The following IQCM variants were observed in gnomAD, a reference collection of about 807,000 sequenced individuals.
IQCM encodes the protein IQ domain-containing protein M.
In IQCM, 45 loss-of-function variants were observed where a neutral mutation model predicts 57.6. The ratio of observed to expected loss-of-function variants is 0.78; its 90% CI spans 0.62 to 1.00. The LOEUF (loss-of-function observed/expected upper bound fraction) is 1.00. Among genes scored for constraint, IQCM ranks in the 50% least tolerant of loss-of-function variants. The pLI is 0.00. For synonymous variants in IQCM, 148 were observed against 158.9 expected, an observed-to-expected ratio of 0.93 and a Z score of 0.51; for missense variants, 468 against 511.6, an observed-to-expected ratio of 0.91 and a Z score of 0.82.
intron 7 of IQCM, among the ~76,000 whole-genome samples, chr4:149,627,097 G>C (rs1428600340): frequency 6.6e-6 from 1 of 152,200 alleles, no homozygotes; most frequent in Non-Finnish European, 1.5e-5. Flanking sequence ...AGCAGTATTT[G>C]ATACAGCCCT....
At chr4:149,733,154 T>C in intron 5 of IQCM, 90 bp downstream of exon 5, 1 of 1,111,914 alleles carries the variant, frequency 9.0e-7, no homozygotes, top group Non-Finnish European at 1.1e-6. Flanking sequence ...AGGGAATTAT[T>C]TGAAAAAGAA....
At chr4:149,767,675 G>T (rs542428583) in intron 2 of IQCM, among the ~76,000 whole-genome samples, 81 of 152,032 alleles carry the variant, frequency 5.3e-4, no homozygotes, top group African/African-American at 9.6e-4. Flanking sequence ...TGATTATGTT[G>T]GTGAGTAAAA....
chr4:149,410,545 T>A (rs1270040235), intron 13 of IQCM, among the ~76,000 whole-genome samples: 4 of 151,508 alleles, frequency 2.6e-5, no homozygotes, highest in Middle Eastern at 3.5e-3. Flanking sequence ...TTGTAATTTA[T>A]AAACCACTGG....
chr4:149,354,864 A>G (rs968323902), intron 13 of IQCM, among the ~76,000 whole-genome samples: 2 of 152,170 alleles, frequency 1.3e-5, no homozygotes, highest in Admixed American at 1.3e-4. Context: ...TAATGAATGT[A>G]CCACACTAAT....
At chr4:149,412,916 G>A in intron 13 of IQCM, among the ~76,000 whole-genome samples, 1 of 152,274 alleles carries the variant, frequency 6.6e-6, no homozygotes, top group African/African-American at 2.4e-5. Flanking sequence ...CAAGGAGGTA[G>A]GAGAGTGGTG....
chr4:149,509,157 A>T (rs1744144159), intron 12 of IQCM, among the ~76,000 whole-genome samples: 1 of 152,150 alleles, frequency 6.6e-6, no homozygotes, highest in South Asian at 2.1e-4. Context: ...CCTTCCCTTC[A>T]TCATCCTCAA....
At chr4:149,574,513 A>T (rs1045873492) in intron 9 of IQCM, among the ~76,000 whole-genome samples, 1 of 151,950 alleles carries the variant, frequency 6.6e-6, no homozygotes, top group Non-Finnish European at 1.5e-5. Flanking sequence ...GAAGTTTGAC[A>T]AATCTGTGCT....
At chr4:149,354,172 G>T (rs540474315) in intron 13 of IQCM, among the ~76,000 whole-genome samples, 14 of 150,598 alleles carry the variant, frequency 9.3e-5, no homozygotes, top group African/African-American at 2.4e-4. Context: ...AGACCATCCC[G>T]GCTAAAACGG....
chr4:149,582,179 T>C (rs1393750012), intron 9 of IQCM, among the ~76,000 whole-genome samples: 1 of 149,942 alleles, frequency 6.7e-6, no homozygotes, highest in East Asian at 2.0e-4. Flanking sequence ...CCTGAAGACA[T>C]TACTTGAGTC....
intron 12 of IQCM, among the ~76,000 whole-genome samples, chr4:149,469,915 A>G (rs374146804): frequency 6.6e-6 from 1 of 151,968 alleles, no homozygotes; most frequent in Non-Finnish European, 1.5e-5. Flanking sequence ...TTACAGACAA[A>G]CAAAGGCTGA....
intron 13 of IQCM, among the ~76,000 whole-genome samples, chr4:149,415,413 C>T (rs1186899773): frequency 6.6e-6 from 1 of 152,068 alleles, no homozygotes; most frequent in Non-Finnish European, 1.5e-5. Context: ...GTATTGCTTG[C>T]CTCGGTATTA....
In IQCM at chr4:149,750,018, A is replaced by T. The variant is rs374852000; in HGVS notation, c.-48-7279T>A. On this transcript the variant is annotated intron_variant, in intron 2 of 13. Transcript: ENST00000636793. The stretch of plus-strand genomic sequence containing the variant: ...AGAAGTCCTAAAGCATTAGCATTAC[A>T]ATCTTCTTTGTTTTCTCAGAGTTCC... Among the ~76,000 whole-genome samples, 14 of 152,310 alleles carry T rather than the reference A, an allele frequency of 9.2e-5. 1 individual carries two copies. In the East Asian group the frequency reaches 1.7e-3, roughly 19 times the overall value.
At chr4:149,431,911 G>A (rs982451133) in intron 13 of IQCM, among the ~76,000 whole-genome samples, 13 of 151,014 alleles carry the variant, frequency 8.6e-5, no homozygotes, top group Non-Finnish European at 1.9e-4. Flanking sequence ...CCAGCTTTTG[G>A]CAACTTTGAA....
chr4:149,684,972 A>G (rs564901307), intron 6 of IQCM, among the ~76,000 whole-genome samples: 18 of 151,496 alleles, frequency 1.2e-4, no homozygotes, highest in African/African-American at 3.9e-4. Flanking sequence ...GATCTTCCTC[A>G]TTAAGCAGGA....
intron 3 of IQCM, among the ~76,000 whole-genome samples, chr4:149,737,873 C>T (rs753969209): frequency 3.3e-5 from 5 of 152,182 alleles, no homozygotes; most frequent in Non-Finnish European, 5.9e-5. Context: ...CAGTCCTTTC[C>T]TCTTTTAATT....
At chr4:149,792,130 C>T (rs1772680152) in intron 2 of IQCM, among the ~76,000 whole-genome samples, 1 of 152,006 alleles carries the variant, frequency 6.6e-6, no homozygotes, top group Non-Finnish European at 1.5e-5. Flanking sequence ...TACTCTTTGC[C>T]ACTTTTTAAT....
At chr4:149,714,427 T>A (rs1257598159) in intron 5 of IQCM, among the ~76,000 whole-genome samples, 2 of 152,206 alleles carry the variant, frequency 1.3e-5, no homozygotes, top group Non-Finnish European at 2.9e-5. Flanking sequence ...TGATAACTGA[T>A]ACTGGTCCTT....
At chr4:149,502,805 T>C (rs191328400) in intron 12 of IQCM, among the ~76,000 whole-genome samples, 46 of 152,034 alleles carry the variant, frequency 3.0e-4, no homozygotes, top group East Asian at 1.7e-3. Context: ...TGACAGAATG[T>C]AGAGGATGAA....
chr4:149,636,364 T>C (rs1412259046), intron 7 of IQCM, among the ~76,000 whole-genome samples: 2 of 152,184 alleles, frequency 1.3e-5, no homozygotes, highest in Non-Finnish European at 1.5e-5. Flanking sequence ...AAAAGGGGTG[T>C]CTGCACTGAC....
Sources: gnomAD v4.1 joint callset for allele counts (sites outside exome capture counted in the v4.1 genomes callset) on GRCh38, gnomAD v4.1.1 for gene constraint, MANE v1.5 for transcripts, NCBI Gene and HGNC (gene_info 2026-07-23, HGNC 2026-07-21) for gene names.